Variants in POLB observed in about 807,000 individuals in gnomAD.
POLB encodes 5'-dRP lyase.
In POLB, 37 loss-of-function variants were observed where a neutral mutation model predicts 52.7. The ratio of observed to expected loss-of-function variants is 0.70; its 90% CI spans 0.54 to 0.92. The LOEUF (loss-of-function observed/expected upper bound fraction) is 0.92, where lower values mean the gene tolerates loss of function less well. Among genes scored for constraint, POLB ranks in the 40% least tolerant of loss-of-function variants. The probability of loss-of-function intolerance (pLI) is 0.00; values close to 1 mark genes in which losing one functional copy is unlikely to be tolerated. For missense variants in POLB, 313 were observed against 400.8 expected, an observed-to-expected ratio of 0.78 and a Z score of 1.87; for synonymous variants, 138 against 131.3, an observed-to-expected ratio of 1.05 and a Z score of -0.35.
chr8:42,350,748 G>T (rs1036240769), intron 5 of POLB, among the ~76,000 whole-genome samples: 5 of 151,984 alleles, frequency 3.3e-5, no homozygotes, highest in African/African-American at 1.2e-4. Context: ...TCTTTAAATG[G>T]CAGCATTTTC....
intron 4 of POLB, 81 bp from the exon 5 acceptor site, chr8:42,349,926 C>T: frequency 2.1e-6 from 2 of 943,752 alleles, no homozygotes; most frequent in Admixed American, 1.8e-5. Flanking sequence ...TGTCTTTTAG[C>T]AGACTGGTAT....
chr8:42,346,889 A>G (rs369513134), intron 3 of POLB, among the ~76,000 whole-genome samples: 1 of 152,166 alleles, frequency 6.6e-6, no homozygotes, highest in African/African-American at 2.4e-5. Context: ...GCATCAGTAT[A>G]TCCTCCTTAA....
chr8:42,361,348 T>G lies in POLB; in HGVS notation c.604T>G (p.Ser202Ala), dbSNP rs1388214773. Residue 202 changes from serine to alanine, a missense_variant, in exon 10 of 14, where the codon TCA becomes GCA. Ser to Ala is a moderately conservative substitution (Grantham distance 99). This residue lies in a region of POLB where 246 missense variants were observed against 297.6 expected (regional missense o/e 0.83). Transcript: ENST00000265421. ...TCTCCTGACCCATCCCAGCTTCACT[T>G]CAGAATCAACCAAACAGGTGCCTCA... ...DVLLTHPSFT[S>A]ESTKQPKLLH... is the part of the protein sequence containing the mutation. 3.7e-6 allele frequency: 6 copies of G among 1,610,906 alleles called. No individual in the cohort carries two copies. The African/African-American group carries it at 4.0e-5, about 11-fold the overall frequency.
rs766919977 is a variant in POLB at position 42,371,647 on chromosome 8, G to A, written c.998G>A (p.Arg333Gln). ...TGGAAATACCGGGAACCCAAGGACCGGAGCGAATGAGGCCTGTATCCTCCC... is the reference window on the plus strand; with the variant it reads ...TGGAAATACCGGGAACCCAAGGACCAGAGCGAATGAGGCCTGTATCCTCCC... ...IQWKYREPKD[R>Q]SE The change falls in exon 14 of 14, where the codon CGG becomes CAG. Residue 333 changes from arginine to glutamine, a missense_variant. By Grantham distance (43) the Arg-to-Gln change is conservative (BLOSUM62 1). Coordinates refer to ENST00000265421, the MANE Select transcript of POLB (RefSeq NM_002690.3). The A allele has an allele frequency of 2.3e-5, 37 of 1,604,376 alleles. No homozygotes were observed. Among genetic ancestry groups the A allele is most frequent in the Non-Finnish European group, 3.0e-5 (35 of 1,171,374 alleles).
intron 13 of POLB, among the ~76,000 whole-genome samples, chr8:42,370,576 T>C (rs1450947434): frequency 6.6e-6 from 1 of 151,974 alleles, no homozygotes; most frequent in Non-Finnish European, 1.5e-5. Context: ...GGGCAGTGCT[T>C]CTCACAATTC....
intron 2 of POLB, chr8:42,342,684 C>T: frequency 7.7e-6 from 4 of 520,442 alleles, no homozygotes; most frequent in Non-Finnish European, 1.4e-5. Flanking sequence ...GGTGGAAAGG[C>T]GGGAGCAATT....
chr8:42,357,447 T>TA lies in POLB; in HGVS notation c.550+56dup. 3.3e-6 allele frequency: 3 copies of TA among 900,146 alleles called. No homozygotes were observed. In the South Asian group the frequency reaches 4.1e-5, roughly 12 times the overall value. 55.8% of individuals were successfully genotyped at this position (900,146 alleles called of 1,614,324 possible). Reference sequence around the variant, plus strand: ...TTGCCCTGATGTTAAAATTGCCTAATATATGGGAAGAATTTGGATTAAAAA... The same window carrying TA: ...TTGCCCTGATGTTAAAATTGCCTAATAATATGGGAAGAATTTGGATTAAAAA... On this transcript the variant is annotated intron_variant, in intron 9 of 13. Coordinates refer to ENST00000265421, the MANE Select transcript of POLB (RefSeq NM_002690.3).
In POLB at chr8:42,338,619, G is replaced by C. The variant is rs760175427; in HGVS notation, c.-6G>C. The C allele has an allele frequency of 1.2e-6, 2 of 1,613,804 alleles. No individual in the cohort carries two copies. Among genetic ancestry groups the C allele is most frequent in the Admixed American group, 3.3e-5 (2 of 59,996 alleles). On this transcript the variant is annotated 5_prime_UTR_variant, in exon 1 of 14. Coordinates refer to ENST00000265421, the MANE Select transcript of POLB (RefSeq NM_002690.3). Reference sequence around the variant, plus strand: ...AACACTCTGGGGTTCTCGGGTGCAGGCCGCCATGAGCAAACGGAAGGCGCC... The same window carrying C: ...AACACTCTGGGGTTCTCGGGTGCAGCCCGCCATGAGCAAACGGAAGGCGCC...
chr8:42,370,768 A>AATACACATAAAAT (rs1274201053), intron 13 of POLB, among the ~76,000 whole-genome samples: 1 of 152,220 alleles, frequency 6.6e-6, no homozygotes, highest in East Asian at 1.9e-4. Flanking sequence ...AAAATACACT[A>AATACACATAAAAT]ACACTCACGA....
At chr8:42,361,066 A>G in intron 9 of POLB, 1 of 672,622 alleles carries the variant, frequency 1.5e-6, no homozygotes. Flanking sequence ...TGCAATGTAT[A>G]TCTAATGCCA....
intron 3 of POLB, among the ~76,000 whole-genome samples, chr8:42,348,759 A>G (rs1822786092): frequency 1.3e-5 from 2 of 152,222 alleles, no homozygotes; most frequent in Non-Finnish European, 2.9e-5. Context: ...ACAATGATAT[A>G]CTGTGTAGCC....
intron 13 of POLB, among the ~76,000 whole-genome samples, chr8:42,371,011 A>G (rs1025819837): frequency 6.6e-6 from 1 of 152,186 alleles, no homozygotes; most frequent in African/African-American, 2.4e-5. Flanking sequence ...AAGGACAATC[A>G]TGAGTGAGGA....
At chr8:42,350,141 GT>G in intron 5 of POLB, 76 bp downstream of exon 5, 2 of 965,582 alleles carry the variant, frequency 2.1e-6, no homozygotes, top group South Asian at 2.6e-5. Context: ...ATTACATGCT[GT>G]TTCTCAAAAC....
chr8:42,352,118 C>A (rs1823007513), intron 5 of POLB, among the ~76,000 whole-genome samples: 1 of 152,222 alleles, frequency 6.6e-6, no homozygotes. Context: ...ATTTATCCAT[C>A]TGATTTTTTC....
At chr8:42,338,758 A>C (rs1822005676) in intron 1 of POLB, 73 bp downstream of exon 1, 1 of 1,423,558 alleles carries the variant, frequency 7.0e-7, no homozygotes, top group East Asian at 2.3e-5. Flanking sequence ...CTTCTCTCCC[A>C]CACCGACAGT....
rs1298976123 is a variant in POLB, at chr8:42,362,650, G to C, written c.660G>C (p.Lys220Asn). 6.2e-7 allele frequency: 1 copy of C among 1,611,284 alleles called. No individual in the cohort carries two copies. Among genetic ancestry groups the C allele is most frequent in the Non-Finnish European group, 8.5e-7 (1 of 1,177,778 alleles). ...LLHQVVEQLQ[K>N]VHFITDTLSK... Reference sequence around the variant, plus strand: ...ATCAGGTTGTGGAGCAGTTACAAAAGGTTCATTTTATCACAGATACCCTGT... The same window carrying C: ...ATCAGGTTGTGGAGCAGTTACAAAACGTTCATTTTATCACAGATACCCTGT... The change falls in exon 11 of 14, where the codon AAG (lysine) becomes AAC (asparagine). Residue 220 changes from lysine to asparagine, a missense_variant. Lys to Asn is a moderately conservative substitution (Grantham distance 94). Around this residue, in one of 3 missense-constraint regions of POLB, gnomAD observed 246 missense variants for 297.6 expected, o/e 0.83. Coordinates refer to ENST00000265421, the MANE Select transcript of POLB (RefSeq NM_002690.3).
intron 2 of POLB, among the ~76,000 whole-genome samples, chr8:42,340,477 T>C (rs1822131977): frequency 6.6e-6 from 1 of 152,214 alleles, no homozygotes; most frequent in Non-Finnish European, 1.5e-5. Flanking sequence ...AGATATCTTA[T>C]TATGTATACG....
chr8:42,344,134 CAAAAAA>C (rs34085444), intron 2 of POLB, among the ~76,000 whole-genome samples: 3 of 59,018 alleles, frequency 5.1e-5, no homozygotes, highest in African/African-American at 1.9e-4. Flanking sequence ...GACTCCGTCT[CAAAAAA>C]AAAAAAAAAA....
chr8:42,357,249 T>C (rs749106894), intron 8 of POLB, 26 bp downstream of exon 8: 2 of 1,470,092 alleles, frequency 1.4e-6, no homozygotes, highest in South Asian at 1.2e-5. Flanking sequence ...TTATATTCTT[T>C]GATTAGAATT....
Sources: gnomAD v4.1 joint callset for allele counts (sites outside exome capture counted in the v4.1 genomes callset) on GRCh38, gnomAD v4.1.1 for gene constraint, gnomAD v4.1.1 regional missense constraint, MANE v1.5 for transcripts, NCBI Gene and HGNC (gene_info 2026-07-23, HGNC 2026-07-21) for gene names.